The following IQSEC1 variants were observed in gnomAD, a reference collection of about 807,000 sequenced individuals.
IQSEC1 encodes IQ motif and SEC7 domain-containing protein 1.
A neutral mutation model predicts 91.0 loss-of-function variants in IQSEC1; 31 were observed. The ratio of observed to expected loss-of-function variants is 0.34; its 90% CI spans 0.26 to 0.46. The LOEUF (loss-of-function observed/expected upper bound fraction) is 0.46. IQSEC1 is among the 20% of genes least tolerant of loss of function. The probability of loss-of-function intolerance (pLI) is 1.00; values close to 1 mark genes in which losing one functional copy is unlikely to be tolerated. For synonymous variants in IQSEC1, 699 were observed against 662.6 expected (o/e 1.05, Z -0.84); for missense variants, 1,388 against 1,575.6 (o/e 0.88, Z 2.02).
intron 1 of IQSEC1, among the ~76,000 whole-genome samples, chr3:13,237,781 G>A (rs538450603): frequency 1.3e-5 from 2 of 152,364 alleles, no homozygotes; most frequent in South Asian, 2.1e-4. Context: ...GACATCGAAG[G>A]TGATAGCTCC....
At chr3:13,066,018 T>A (rs888895712) in intron 1 of IQSEC1, among the ~76,000 whole-genome samples, 5 of 152,092 alleles carry the variant, frequency 3.3e-5, no homozygotes, top group African/African-American at 1.2e-4. Context: ...TCACATGACA[T>A]CCCCAGGGCA....
At chr3:12,911,761 G>A (rs1180663553) in intron 9 of IQSEC1, 33 bp from the exon 10 acceptor site, 4 of 1,440,066 alleles carry the variant, frequency 2.8e-6, no homozygotes, top group African/African-American at 2.8e-5. Context: ...CTGAGCTACA[G>A]TGTCTCGGGG....
In IQSEC1 at chr3:13,102,279, C is replaced by T. The variant is rs549293690; in HGVS notation, c.303-54757G>A. 4.7e-5 allele frequency among the ~76,000 whole-genome samples: 7 copies of T among 150,432 alleles called. No homozygotes were observed. The South Asian group carries it at 1.5e-3, about 31-fold the overall frequency. ...CCTGGGTGATGGAGCAAGAACTTGT[C>T]TCAAAATAATAATAATAATAATAAA... On this transcript the variant is annotated intron_variant, in intron 2 of 15. Coordinates refer to the IQSEC1 transcript ENST00000648114.
intron 1 of IQSEC1, among the ~76,000 whole-genome samples, chr3:13,265,452 A>G (rs1443879001): frequency 1.3e-5 from 2 of 152,266 alleles, no homozygotes; most frequent in Non-Finnish European, 2.9e-5. Context: ...GCACAGCTGC[A>G]AAATCACTCT....
At chr3:13,236,721 G>A (rs1694935823) in intron 1 of IQSEC1, among the ~76,000 whole-genome samples, 1 of 152,258 alleles carries the variant, frequency 6.6e-6, no homozygotes, top group Admixed American at 6.5e-5. Flanking sequence ...CTGTGCTAGG[G>A]CTGGGACACA....
At chr3:13,205,328 A>G (rs1694324429) in intron 1 of IQSEC1, among the ~76,000 whole-genome samples, 1 of 152,052 alleles carries the variant, frequency 6.6e-6, no homozygotes, top group Non-Finnish European at 1.5e-5. Flanking sequence ...TCAGTCACTC[A>G]GCCCAGCTCA....
intron 2 of IQSEC1, among the ~76,000 whole-genome samples, chr3:13,130,423 G>T (rs540218070): frequency 1.3e-5 from 2 of 151,834 alleles, no homozygotes; most frequent in East Asian, 3.9e-4. Flanking sequence ...TTCCATTGTG[G>T]TCAGTGCACA....
At chr3:12,903,049 CAAAA>C (rs774361090) in intron 12 of IQSEC1, among the ~76,000 whole-genome samples, 25 of 149,656 alleles carry the variant, frequency 1.7e-4, no homozygotes, top group South Asian at 8.5e-4. Flanking sequence ...TTTCGAAAAG[CAAAA>C]AAAAAATTCT....
chr3:13,276,410 C>G (rs759137596), intron 1 of IQSEC1, among the ~76,000 whole-genome samples: 6 of 152,088 alleles, frequency 3.9e-5, no homozygotes, highest in Non-Finnish European at 8.8e-5. Flanking sequence ...TTCTTGATGC[C>G]CTGGCTATTC....
At chr3:13,140,240 C>A (rs1040691096) in intron 2 of IQSEC1, among the ~76,000 whole-genome samples, 2 of 152,168 alleles carry the variant, frequency 1.3e-5, no homozygotes, top group African/African-American at 4.8e-5. Context: ...CTGCTGCTTG[C>A]ATGTCTCAGT....
rs949990587 is a variant in IQSEC1 at position 12,902,967 on chromosome 3, G to A, written c.2756-145C>T. 6 of 693,774 alleles carry A rather than the reference G, an allele frequency of 8.6e-6. No individual in the cohort carries two copies. In the African/African-American group the frequency reaches 1.1e-4, roughly 12 times the overall value. 43.0% of individuals were successfully genotyped at this position (693,774 alleles called of 1,614,324 possible). ...GGGCCCACCTGCCCGCAGGAGCCAG[G>A]TGTGAGGGGTCGGAGGAGGGGCTCA... On this transcript the variant is annotated intron_variant, in intron 12 of 13. Transcript: ENST00000613206.
chr3:13,213,633 C>A (rs1306074450), intron 1 of IQSEC1, among the ~76,000 whole-genome samples: 1 of 152,160 alleles, frequency 6.6e-6, no homozygotes, highest in African/African-American at 2.4e-5. Context: ...CATGAAAGAT[C>A]ATATTACACC....
At chr3:13,018,144 T>C (rs1214089126) in intron 1 of IQSEC1, among the ~76,000 whole-genome samples, 1 of 152,164 alleles carries the variant, frequency 6.6e-6, no homozygotes, top group Non-Finnish European at 1.5e-5. Context: ...TGGGAACAAA[T>C]GTCCTCGCGT....
rs1050001887 is a variant in IQSEC1 at position 12,900,268 on chromosome 3, G to A, written c.*715C>T. 4.1e-6 allele frequency: 4 copies of A among 984,792 alleles called. No homozygotes were observed. The highest frequency in any genetic ancestry group is 1.7e-5 in the African/African-American group (1 of 57,152). The allele number at this position is 984,792 out of a possible 1,614,324, so 61.0% of individuals were successfully genotyped here. A position where few individuals can be genotyped will look rare whatever the true frequency, so the allele number is the denominator to read the frequency against. On this transcript the variant is annotated 3_prime_UTR_variant, in exon 14 of 14. Transcript: ENST00000613206. The stretch of plus-strand genomic sequence containing the variant: ...TAAAGATTTTAGCCAGTCCTAGAGG[G>A]ACTTCTTTGTATGAAAATATGAAGT...
chr3:13,017,236 C>T (rs758638909), intron 1 of IQSEC1, among the ~76,000 whole-genome samples: 3 of 152,236 alleles, frequency 2.0e-5, no homozygotes, highest in Non-Finnish European at 2.9e-5. Flanking sequence ...CCGATCTTTG[C>T]CTGAAGGCAT....
At chr3:13,011,384 C>T (rs1702876988) in intron 1 of IQSEC1, among the ~76,000 whole-genome samples, 1 of 152,220 alleles carries the variant, frequency 6.6e-6, no homozygotes, top group African/African-American at 2.4e-5. Flanking sequence ...TGAGCCATTG[C>T]TAGGTCATTG....
chr3:13,096,206 AGTGT>A (rs1346065062), intron 2 of IQSEC1, among the ~76,000 whole-genome samples: 1 of 152,120 alleles, frequency 6.6e-6, no homozygotes, highest in Non-Finnish European at 1.5e-5. Context: ...TTGAGCACCT[AGTGT>A]GTACCAAGAT....
Position 12,900,109 on chromosome 3 carries a change from T to G in IQSEC1, c.*874A>C, listed in dbSNP as rs1309933365. On this transcript the variant is annotated 3_prime_UTR_variant, in exon 14 of 14. Coordinates refer to ENST00000613206, the MANE Select transcript of IQSEC1 (RefSeq NM_001134382.3). The stretch of plus-strand genomic sequence containing the variant: ...AGTGTACTGCAGTTTAGCTATTTGC[T>G]TACCTGAAATAACAGCATTATAATA... 1 of 978,840 alleles carries G rather than the reference T, an allele frequency of 1.0e-6. No homozygotes were observed. The highest frequency in any genetic ancestry group is 1.2e-6 in the Non-Finnish European group (1 of 824,106). 60.6% of individuals were successfully genotyped at this position (978,840 alleles called of 1,614,324 possible).
chr3:13,010,405 T>C (rs113271213), intron 1 of IQSEC1, among the ~76,000 whole-genome samples: 2,656 of 152,270 alleles, frequency 0.017, 88 homozygotes, highest in African/African-American at 0.059. Context: ...AAGTGACTGG[T>C]CCAGGGATGG....
Sources: allele counts gnomAD v4.1 joint callset (sites outside exome capture counted in the v4.1 genomes callset), GRCh38; gene constraint gnomAD v4.1.1; transcripts MANE v1.5; gene names NCBI Gene and HGNC (gene_info 2026-07-23, HGNC 2026-07-21).